Variants in AGPAT3 observed in about 807,000 individuals in gnomAD.
The protein encoded by AGPAT3 is 1-acylglycerol-3-phosphate O-acyltransferase 3.
AGPAT3 carries 5 observed loss-of-function variants against 47.3 expected under a neutral mutation model. The observed-to-expected ratio is 0.11, with a 90% confidence interval of 0.06 to 0.22. The LOEUF is 0.22. Ranked by LOEUF, AGPAT3 falls within the 10% of genes least tolerant of loss-of-function variation. AGPAT3 has a pLI of 1.00. For missense variants in AGPAT3, 315 were observed against 493.0 expected, an observed-to-expected ratio of 0.64 and a Z score of 3.42; for synonymous variants, 212 against 208.3, an observed-to-expected ratio of 1.02 and a Z score of -0.15.
Position 43,894,554 on chromosome 21 carries a change from G to A in AGPAT3, c.-111-9403G>A, listed in dbSNP as rs73906665. 4.3e-3 allele frequency among the ~76,000 whole-genome samples: 648 copies of A among 152,020 alleles called. 5 individuals are homozygous for A. The highest frequency in any genetic ancestry group is 0.015 in the African/African-American group (620 of 41,466). On this transcript the variant is annotated intron_variant, in intron 1 of 9. Transcript: ENST00000291572. Reference sequence around the variant, plus strand: ...ATCTGTCACCATAAGTATTTGTCTCGTCTTTAAGCTAAAAACATTCAAATT... The same window carrying A: ...ATCTGTCACCATAAGTATTTGTCTCATCTTTAAGCTAAAAACATTCAAATT...
rs1296412063 is a variant in AGPAT3, at chr21:43,930,790, G to A, written c.-49+26771G>A. ...GGGGTGGCAGGAGGTGGCTCCTCAC[G>A]GTGGCCGGGGTGGCCCACGGCAGGC... On this transcript the variant is annotated intron_variant, in intron 2 of 9. Coordinates refer to ENST00000291572, the MANE Select transcript of AGPAT3 (RefSeq NM_020132.5). The surrounding 1 kb of genome is among the most constrained non-coding windows in gnomAD (Gnocchi z 5.0). Among the ~76,000 whole-genome samples, 1 of 152,078 alleles carries A rather than the reference G, an allele frequency of 6.6e-6. No individual in the cohort carries two copies. The highest frequency in any genetic ancestry group is 1.5e-5 in the Non-Finnish European group (1 of 67,992).
At chr21:43,951,220 G>A (rs1298821706) in intron 2 of AGPAT3, among the ~76,000 whole-genome samples, 1 of 152,218 alleles carries the variant, frequency 6.6e-6, no homozygotes, top group African/African-American at 2.4e-5. Flanking sequence ...GGGCGGGACA[G>A]AGAAGAGGAA....
intron 1 of AGPAT3, among the ~76,000 whole-genome samples, chr21:43,885,134 G>A (rs575637502): frequency 1.3e-4 from 20 of 152,296 alleles, no homozygotes; most frequent in Non-Finnish European, 2.4e-4. Context: ...CTCACCCTGC[G>A]GCTAGACCTC....
intron 3 of AGPAT3, 120 bp downstream of exon 3, chr21:43,959,979 G>C: frequency 8.9e-7 from 1 of 1,117,774 alleles, no homozygotes; most frequent in Non-Finnish European, 1.3e-6. Flanking sequence ...GAGGTGCCGA[G>C]GCCATCTGGC....
At chr21:43,923,632 A>G (rs537949318) in intron 2 of AGPAT3, among the ~76,000 whole-genome samples, 1 of 152,314 alleles carries the variant, frequency 6.6e-6, no homozygotes, top group African/African-American at 2.4e-5. Flanking sequence ...TCGAGTTTGA[A>G]CATTTGCCAG....
intron 2 of AGPAT3, among the ~76,000 whole-genome samples, chr21:43,944,430 G>A (rs2087792863): frequency 6.6e-6 from 1 of 152,246 alleles, no homozygotes. Flanking sequence ...CGCTGGCCTT[G>A]CTGTCCCTGG....
intron 1 of AGPAT3, among the ~76,000 whole-genome samples, chr21:43,896,276 C>T (rs944697145): frequency 1.3e-5 from 2 of 152,154 alleles, no homozygotes; most frequent in African/African-American, 2.4e-5. Context: ...TTTTTCCCCT[C>T]GTTTAAGCGT....
At chr21:43,980,287 A>C (rs573495941) in intron 8 of AGPAT3, among the ~76,000 whole-genome samples, 107 of 149,528 alleles carry the variant, frequency 7.2e-4, no homozygotes, top group African/African-American at 2.4e-3. Flanking sequence ...AAAAAAAAAA[A>C]AAAACAAAAA....
chr21:43,917,640 G>A (rs2086761856), intron 2 of AGPAT3, among the ~76,000 whole-genome samples: 1 of 152,122 alleles, frequency 6.6e-6, no homozygotes, highest in Admixed American at 6.5e-5. Context: ...GGAGCAGAAA[G>A]TGGGAACTTT....
chr21:43,906,546 C>T (rs1191888191), intron 2 of AGPAT3, among the ~76,000 whole-genome samples: 2 of 152,108 alleles, frequency 1.3e-5, no homozygotes, highest in Non-Finnish European at 2.9e-5. Flanking sequence ...CAGATAAGGC[C>T]AGAGTTGATG....
At chr21:43,897,032 A>G (rs2086236510) in intron 1 of AGPAT3, among the ~76,000 whole-genome samples, 1 of 147,022 alleles carries the variant, frequency 6.8e-6, no homozygotes, top group Non-Finnish European at 1.5e-5. Context: ...TCATAGGATA[A>G]TAGTGGAGGG....
At chr21:43,872,412 C>T (rs963599822) in intron 1 of AGPAT3, among the ~76,000 whole-genome samples, 2 of 152,154 alleles carry the variant, frequency 1.3e-5, no homozygotes, top group Non-Finnish European at 2.9e-5. Context: ...AACTCCTGAC[C>T]TCAAGTGATC....
intron 1 of AGPAT3, among the ~76,000 whole-genome samples, chr21:43,866,466 G>A (rs553622002): frequency 7.9e-5 from 12 of 152,168 alleles, no homozygotes; most frequent in Admixed American, 2.6e-4. Context: ...CGGCTGCTCC[G>A]ACTCGACTCG....
rs541791496 is a variant in AGPAT3, at chr21:43,945,802, C to T, written c.-48-13832C>T. Among the ~76,000 whole-genome samples, 124 of 152,338 alleles carry T rather than the reference C, an allele frequency of 8.1e-4. 1 individual carries two copies. Among genetic ancestry groups the T allele is most frequent in the African/African-American group, 2.8e-3 (116 of 41,572 alleles). On this transcript the variant is annotated intron_variant, in intron 2 of 9. Coordinates refer to ENST00000291572, the MANE Select transcript of AGPAT3 (RefSeq NM_020132.5). ...TTCAATCGGTAAATAATGAGTACAC[C>T]TTTAAGGTCCAGGCACTCTTTGTTT...
At chr21:43,875,243 G>A (rs1036911626) in intron 1 of AGPAT3, among the ~76,000 whole-genome samples, 14 of 152,112 alleles carry the variant, frequency 9.2e-5, no homozygotes, top group East Asian at 1.9e-4. Flanking sequence ...CCTCCCTCCC[G>A]TGTATTTTTA....
intron 2 of AGPAT3, among the ~76,000 whole-genome samples, chr21:43,923,583 TG>T (rs945042016): frequency 5.9e-5 from 9 of 152,220 alleles, no homozygotes; most frequent in African/African-American, 2.2e-4. Flanking sequence ...TTGTGATCCA[TG>T]ACCCAACTGG....
chr21:43,918,623 G>A (rs1248478731), intron 2 of AGPAT3, among the ~76,000 whole-genome samples: 1 of 142,590 alleles, frequency 7.0e-6, no homozygotes, highest in Non-Finnish European at 1.5e-5. Flanking sequence ...CTCTTGCTCT[G>A]CCACCCAGGC....
intron 2 of AGPAT3, among the ~76,000 whole-genome samples, chr21:43,944,530 G>A (rs942446651): frequency 2.0e-5 from 3 of 152,256 alleles, no homozygotes; most frequent in Non-Finnish European, 2.9e-5. Flanking sequence ...CAGCAAGGCC[G>A]CCCCTCCTCC....
Position 43,880,867 on chromosome 21 carries a change from C to A in AGPAT3, c.-112+15522C>A, listed in dbSNP as rs1281269731. ...GTGTTTGACATGGTGGTGAATTGGA[C>A]ACGTGACAGGTGGCAATATGTTAAC... On this transcript the variant is annotated intron_variant, in intron 1 of 9. Transcript: ENST00000291572. The surrounding 1 kb of genome is among the most constrained non-coding windows in gnomAD (Gnocchi z 4.5). Among the ~76,000 whole-genome samples the A allele has an allele frequency of 6.6e-6, 1 of 152,078 alleles. No homozygotes were observed. Among genetic ancestry groups the A allele is most frequent in the Non-Finnish European group, 1.5e-5 (1 of 68,038 alleles).
Sources: allele counts gnomAD v4.1 joint callset (sites outside exome capture counted in the v4.1 genomes callset), GRCh38; gene constraint gnomAD v4.1.1; non-coding constraint Gnocchi (gnomAD v3.1); transcripts MANE v1.5; gene names NCBI Gene and HGNC (gene_info 2026-07-23, HGNC 2026-07-21).